The following LCN9 variants were observed in gnomAD, a reference collection of about 807,000 sequenced individuals.
LCN9 encodes epididymal-specific lipocalin-9.
Under a neutral mutation model 18.5 loss-of-function variants are expected in LCN9, and 22 were observed. The ratio of observed to expected loss-of-function variants is 1.19; its 90% confidence interval spans 0.85 to 1.70. The LOEUF (loss-of-function observed/expected upper bound fraction) is 1.70. Among genes scored for constraint, LCN9 ranks in the 40% most tolerant of loss-of-function variants. The probability of loss-of-function intolerance (pLI) is 0.00; values close to 1 mark genes in which losing one functional copy is unlikely to be tolerated. For missense variants in LCN9, 202 were observed against 201.3 expected, an observed-to-expected ratio of 1.00 and a Z score of -0.02; for synonymous variants, 89 against 83.0, an observed-to-expected ratio of 1.07 and a Z score of -0.39.
chr9:135,665,188 G>A lies in LCN9; in HGVS notation c.308-57G>A. The A allele has an allele frequency of 1.6e-6, 2 of 1,228,502 alleles. No homozygotes were observed. The highest frequency in any genetic ancestry group is 2.6e-5 in the South Asian group (2 of 77,714). The allele number at this position is 1,228,502 out of a possible 1,614,324, so 76.1% of individuals were successfully genotyped here. On this transcript the variant is annotated intron_variant, in intron 3 of 5. Coordinates refer to ENST00000619315, the Ensembl canonical transcript of LCN9. The surrounding 1 kb of genome is among the most constrained non-coding windows in gnomAD (Gnocchi z 5.9). ...CCTCACTTGCGGCCACACAGCACGT[G>A]TCACAGGACCCTGAGGGTGGCGGGG...
Position 135,665,280 on chromosome 9 carries a change from G to A in LCN9, c.343G>A (p.Asp115Asn), listed in dbSNP as rs775067076. The A allele has an allele frequency of 1.2e-6, 2 of 1,605,346 alleles. No individual in the cohort carries two copies. The highest frequency in any genetic ancestry group is 4.5e-5 in the East Asian group (2 of 44,512). ...GAACACAGTGGCCGTCTCGGAGACT[G>A]ACTACAGGCTGTTCATCACCTTCCA... The change falls in exon 4 of 6, where the codon GAC becomes AAC. Residue 115 changes from aspartate (D) to asparagine (N), a missense_variant. Asp to Asn is a conservative substitution (Grantham distance 23, BLOSUM62 1). Coordinates refer to ENST00000619315, the Ensembl canonical transcript of LCN9. The surrounding 1 kb of genome is among the most constrained non-coding windows in gnomAD (Gnocchi z 5.9).
rs372986059 is a variant in LCN9, at chr9:135,663,422, G to A, written c.96+5G>A. ...AGGAACTACAACGTGGCCAGGGTGT[G>A]TCTGCGTTGGGGTCTGTGGGGAAGG... On this transcript the variant is annotated splice_donor_5th_base_variant and intron_variant, in intron 1 of 5. Transcript: ENST00000619315. 16 of 1,613,166 alleles carry A rather than the reference G, an allele frequency of 9.9e-6. No individual in the cohort carries two copies. In the African/African-American group the frequency reaches 1.7e-4, roughly 17 times the overall value.
At chr9:135,666,182 C>G (rs1309248875) in exon 6 of LCN9, 1 of 1,542,760 alleles carries the variant, frequency 6.5e-7, no homozygotes, top group Non-Finnish European at 8.7e-7. Flanking sequence ...ACTAGGACAA[C>G]CAGGATTTAC....
At position 135,665,837 on chromosome 9, in the gene LCN9, T is replaced by C; in HGVS notation, c.*10-24T>C. The C allele has an allele frequency of 1.2e-6, 2 of 1,612,474 alleles. No individual in the cohort carries two copies. Among genetic ancestry groups the C allele is most frequent in the Middle Eastern group, 3.3e-4 (2 of 6,060 alleles). On this transcript the variant is annotated intron_variant, in intron 5 of 5. Coordinates refer to ENST00000619315, the Ensembl canonical transcript of LCN9. This position sits in a 1 kb window ranked among gnomAD's most constrained non-coding sequence, Gnocchi z 5.9. Reference sequence around the variant, plus strand: ...GCCTGCGGGGTCCCTGTCCCTGCGCTGAGAGCCCCCTCTGTCCTTCCAGAT... The same window carrying C: ...GCCTGCGGGGTCCCTGTCCCTGCGCCGAGAGCCCCCTCTGTCCTTCCAGAT...
rs762789260 is a variant in LCN9 at position 135,664,832 on chromosome 9, G to A, written c.307+37G>A. 181 of 1,547,708 alleles carry A rather than the reference G, an allele frequency of 1.2e-4. No homozygotes were observed. Among genetic ancestry groups the A allele is most frequent in the South Asian group, 5.6e-4 (47 of 83,880 alleles). ...CCAGGCTCCTCCTGGTCTCACAGTCGGGGGTCTCCTTTCTCCAGGGCCTGG... is the reference window on the plus strand; with the variant it reads ...CCAGGCTCCTCCTGGTCTCACAGTCAGGGGTCTCCTTTCTCCAGGGCCTGG... On this transcript the variant is annotated intron_variant, in intron 3 of 5. Coordinates refer to ENST00000619315, the Ensembl canonical transcript of LCN9. This position sits in a 1 kb window ranked among gnomAD's most constrained non-coding sequence, Gnocchi z 4.5.
chr9:135,666,064 C>T (rs772311356), exon 6 of LCN9: 1 of 1,599,540 alleles, frequency 6.3e-7, no homozygotes. Flanking sequence ...TGAAAAGCAT[C>T]CTGGAGTCGG....
At position 135,665,870 on chromosome 9, in the gene LCN9, A is replaced by T; in HGVS notation, c.*19A>T. The stretch of plus-strand genomic sequence containing the variant: ...CCCTCTGTCCTTCCAGATCCCTGCT[A>T]CTCCAAGCATTACAGGAGCCCGCCC... On this transcript the variant is annotated 3_prime_UTR_variant, in exon 6 of 6. Transcript: ENST00000619315. This position sits in a 1 kb window ranked among gnomAD's most constrained non-coding sequence, Gnocchi z 5.9. 2 of 1,612,842 alleles carry T rather than the reference A, an allele frequency of 1.2e-6. No individual in the cohort carries two copies. Among genetic ancestry groups the T allele is most frequent in the Non-Finnish European group, 1.7e-6 (2 of 1,179,520 alleles).
chr9:135,664,585 C>A lies in LCN9; in HGVS notation c.234-137C>A. 1.2e-6 allele frequency: 1 copy of A among 852,128 alleles called. No individual in the cohort carries two copies. The highest frequency in any genetic ancestry group is 1.8e-6 in the Non-Finnish European group (1 of 559,990). The allele number at this position is 852,128 out of a possible 1,614,324, so 52.8% of individuals were successfully genotyped here. On this transcript the variant is annotated intron_variant, in intron 2 of 5. Coordinates refer to ENST00000619315, the Ensembl canonical transcript of LCN9. This position sits in a 1 kb window ranked among gnomAD's most constrained non-coding sequence, Gnocchi z 4.5. ...TCCGGTGGGCTGCAGCAGGGCCCAG[C>A]CCAAGAACTTGGGGCTGTGGAATGA...
rs1455963937 is a variant in LCN9 at position 135,664,134 on chromosome 9, C to T, written c.97-28C>T. ...CATCCCCAGGGCTGTCCCGCGGCCC[C>T]CCACCCACTGGAGCTCTTTGTCTTC... On this transcript the variant is annotated intron_variant, in intron 1 of 5. Coordinates refer to ENST00000619315, the Ensembl canonical transcript of LCN9. The surrounding 1 kb of genome is among the most constrained non-coding windows in gnomAD (Gnocchi z 4.5). 2.5e-6 allele frequency: 4 copies of T among 1,611,458 alleles called. No individual in the cohort carries two copies. Among genetic ancestry groups the T allele is most frequent in the African/African-American group, 2.7e-5 (2 of 74,704 alleles).
rs750695452 is a variant in LCN9 at position 135,665,324 on chromosome 9, C to T, written c.387C>T (p.Asn129=). The stretch of plus-strand genomic sequence containing the variant: ...CCTTCCACCTCCAGAACTTCAGGAA[C>T]GGGACCGAGACCCACACGCTGGCGC... Residue 129 remains asparagine, a synonymous_variant, in exon 4 of 6, where the codon AAC becomes AAT. Transcript: ENST00000619315. This position sits in a 1 kb window ranked among gnomAD's most constrained non-coding sequence, Gnocchi z 5.9. 8.7e-6 allele frequency: 14 copies of T among 1,600,706 alleles called. No homozygotes were observed. In the East Asian group the frequency reaches 1.1e-4, roughly 13 times the overall value.
Position 135,665,583 on chromosome 9 carries a change from C to T in LCN9, c.419-105C>T. ...CTCTGGTCAGGGCGTGACCCCCTGC[C>T]CAGCCTCAGCACTTCCTGAGCACCC... is the stretch of plus-strand genomic sequence containing the variant. On this transcript the variant is annotated intron_variant, in intron 4 of 5. Transcript: ENST00000619315. The surrounding 1 kb of genome is among the most constrained non-coding windows in gnomAD (Gnocchi z 5.9). The T allele has an allele frequency of 8.5e-7, 1 of 1,171,738 alleles. No individual in the cohort carries two copies. Among genetic ancestry groups the T allele is most frequent in the Non-Finnish European group, 1.2e-6 (1 of 811,622 alleles). 72.6% of individuals were successfully genotyped at this position (1,171,738 alleles called of 1,614,324 possible). A position where few individuals can be genotyped will look rare whatever the true frequency, so the allele number is the denominator to read the frequency against.
In LCN9 at chr9:135,665,304, C is replaced by T. The variant is rs2119179908; in HGVS notation, c.367C>T (p.His123Tyr). The stretch of plus-strand genomic sequence containing the variant: ...TGACTACAGGCTGTTCATCACCTTC[C>T]ACCTCCAGAACTTCAGGAACGGGAC... Residue 123 changes from histidine (H) to tyrosine (Y), a missense_variant, in exon 4 of 6, where the codon CAC becomes TAC. His to Tyr is a moderately conservative substitution (Grantham distance 83). Coordinates refer to ENST00000619315, the Ensembl canonical transcript of LCN9. This position sits in a 1 kb window ranked among gnomAD's most constrained non-coding sequence, Gnocchi z 5.9. The T allele has an allele frequency of 6.2e-7, 1 of 1,607,232 alleles. No individual in the cohort carries two copies. Among genetic ancestry groups the T allele is most frequent in the Non-Finnish European group, 8.5e-7 (1 of 1,177,130 alleles).
Position 135,664,208 on chromosome 9 carries a change from A to C in LCN9, c.143A>C (p.Asn48Thr), listed in dbSNP as rs1361118818. The change falls in exon 2 of 6, where the codon AAT (asparagine) becomes ACT (threonine). Residue 48 changes from asparagine to threonine, a missense_variant. Transcript: ENST00000619315. The surrounding 1 kb of genome is among the most constrained non-coding windows in gnomAD (Gnocchi z 4.5). ...ATTTTCATGGCCTCAGATGACCTGA[A>C]TCGGATTAAAGAAAATGGAGACCTG... 6.2e-7 allele frequency: 1 copy of C among 1,613,760 alleles called. No individual in the cohort carries two copies. The highest frequency in any genetic ancestry group is 8.5e-7 in the Non-Finnish European group (1 of 1,179,762).
Position 135,665,981 on chromosome 9 carries a change from C to T in LCN9, c.*130C>T. 9 of 1,598,404 alleles carry T rather than the reference C, an allele frequency of 5.6e-6. No individual in the cohort carries two copies. The highest frequency in any genetic ancestry group is 7.6e-6 in the Non-Finnish European group (9 of 1,178,022). The stretch of plus-strand genomic sequence containing the variant: ...GGGCCAACGTCAGAGGCTGCGGGGT[C>T]CCACCCCAGGAGGTGCCCATCCCTC... On this transcript the variant is annotated 3_prime_UTR_variant, in exon 6 of 6. Coordinates refer to ENST00000619315, the Ensembl canonical transcript of LCN9. The surrounding 1 kb of genome is among the most constrained non-coding windows in gnomAD (Gnocchi z 5.9).
In LCN9 at chr9:135,664,681, G is replaced by A. The variant is rs558366207; in HGVS notation, c.234-41G>A. 6.5e-7 allele frequency: 1 copy of A among 1,528,738 alleles called. No individual in the cohort carries two copies. Among genetic ancestry groups the A allele is most frequent in the Non-Finnish European group, 8.8e-7 (1 of 1,133,790 alleles). 94.7% of individuals were successfully genotyped at this position (1,528,738 alleles called of 1,614,324 possible). ...CTCTCTGCCATCGCACGTCCAGGGG[G>A]CTGGAGCTCCACTCCCGGCATCTTC... On this transcript the variant is annotated intron_variant, in intron 2 of 5. Transcript: ENST00000619315. This position sits in a 1 kb window ranked among gnomAD's most constrained non-coding sequence, Gnocchi z 4.5.
Position 135,664,941 on chromosome 9 carries a change from C to A in LCN9, c.307+146C>A. 1.1e-6 allele frequency: 1 copy of A among 878,256 alleles called. No homozygotes were observed. 54.4% of individuals were successfully genotyped at this position (878,256 alleles called of 1,614,324 possible). A position where few individuals can be genotyped will look rare whatever the true frequency, so the allele number is the denominator to read the frequency against. On this transcript the variant is annotated intron_variant, in intron 3 of 5. Coordinates refer to ENST00000619315, the Ensembl canonical transcript of LCN9. This position sits in a 1 kb window ranked among gnomAD's most constrained non-coding sequence, Gnocchi z 4.5. ...CCTGAACTGGAGGGACCCATCCTGG[C>A]ACCTACCCAGGGGGGCTCCTGGCCC...
Position 135,664,434 on chromosome 9 carries a change from G to C in LCN9, c.233+136G>C. 8.5e-7 allele frequency: 1 copy of C among 1,174,698 alleles called. No individual in the cohort carries two copies. Among genetic ancestry groups the C allele is most frequent in the Non-Finnish European group, 1.2e-6 (1 of 814,672 alleles). The allele number at this position is 1,174,698 out of a possible 1,614,324, so 72.8% of individuals were successfully genotyped here. ...GGTGAGAGCCTGAGCCTGTGCGTGT[G>C]ACCCTTGGGGGCAGGGTGAGGTGGG... On this transcript the variant is annotated intron_variant, in intron 2 of 5. Coordinates refer to ENST00000619315, the Ensembl canonical transcript of LCN9. The surrounding 1 kb of genome is among the most constrained non-coding windows in gnomAD (Gnocchi z 4.5).
intron 1 of LCN9, among the ~76,000 whole-genome samples, chr9:135,663,785 C>A (rs1315632757): frequency 1.9e-5 from 2 of 106,054 alleles, no homozygotes; most frequent in African/African-American, 3.6e-5. Context: ...GAGCGGGGGA[C>A]CTTGAGAGGA....
chr9:135,665,099 T>A lies in LCN9; in HGVS notation c.308-146T>A. ...CTGCTGCCCGCCCCCTGTGCAGGGG[T>A]CTCCGCTGGGTGAGCACCGTGGGCT... On this transcript the variant is annotated intron_variant, in intron 3 of 5. Transcript: ENST00000619315. The surrounding 1 kb of genome is among the most constrained non-coding windows in gnomAD (Gnocchi z 5.9). 1.5e-6 allele frequency: 1 copy of A among 669,214 alleles called. No individual in the cohort carries two copies. Among genetic ancestry groups the A allele is most frequent in the Non-Finnish European group, 2.7e-6 (1 of 374,326 alleles). The allele number at this position is 669,214 out of a possible 1,614,324, so 41.5% of individuals were successfully genotyped here.
Sources: allele counts gnomAD v4.1 joint callset (sites outside exome capture counted in the v4.1 genomes callset), GRCh38; gene constraint gnomAD v4.1.1; non-coding constraint Gnocchi (gnomAD v3.1); transcripts MANE v1.5; gene names NCBI Gene and HGNC (gene_info 2026-07-23, HGNC 2026-07-21).